SLC34A1: variants seen among roughly 807,000 people sequenced by gnomAD.
SLC34A1 encodes the protein sodium-dependent phosphate transport protein 2A.
SLC34A1 carries 57 observed loss-of-function variants against 51.4 expected under a neutral mutation model. The ratio of observed to expected loss-of-function variants is 1.11; its 90% CI spans 0.90 to 1.38. The LOEUF is 1.38. Ranked by LOEUF, SLC34A1 falls within the 40% of genes most tolerant of loss-of-function variation. SLC34A1 has a pLI of 0.00. For synonymous variants in SLC34A1, 368 were observed against 358.0 expected (o/e 1.03, Z -0.32); for missense variants, 796 against 835.6 (o/e 0.95, Z 0.58).
chr5:177,395,786 G>A (rs185966621), intron 10 of SLC34A1, among the ~76,000 whole-genome samples: 5 of 152,170 alleles, frequency 3.3e-5, no homozygotes, highest in East Asian at 1.9e-4. Flanking sequence ...GGTGTGCACC[G>A]CCACACTCAG....
intron 8 of SLC34A1, among the ~76,000 whole-genome samples, chr5:177,393,068 C>T (rs541793677): frequency 2.6e-5 from 4 of 152,280 alleles, no homozygotes; most frequent in African/African-American, 9.6e-5. Flanking sequence ...AGAAACTCTC[C>T]CCACCTCTTC....
intron 6 of SLC34A1, 22 bp from the exon 7 acceptor site, chr5:177,387,972 G>C (rs367817095): frequency 4.1e-5 from 66 of 1,611,702 alleles, no homozygotes; most frequent in African/African-American, 3.7e-4. Context: ...AGCCTGCCTT[G>C]CAATGTGGCC....
At chr5:177,389,944 C>T (rs369316167) in intron 8 of SLC34A1, 12 of 1,406,274 alleles carry the variant, frequency 8.5e-6, no homozygotes, top group Admixed American at 3.0e-5. Context: ...CTCATTTCCT[C>T]GGCTTGGAGA....
At chr5:177,384,783 A>C (rs1482261509) in intron 1 of SLC34A1, among the ~76,000 whole-genome samples, 1 of 149,338 alleles carries the variant, frequency 6.7e-6, no homozygotes, top group Non-Finnish European at 1.5e-5. Flanking sequence ...AATCGCTTGA[A>C]CCCACGAGGC....
rs777019194 is a variant in SLC34A1 at position 177,385,849 on chromosome 5, G to T, written c.108G>T (p.Gln36His). ...GTAFAYVPSP[Q>H]VLHRIPGTSA... ...CCTTTGCCTACGTGCCCAGCCCTCA[G>T]GGTAAGTGCTGCTCCCACACCCTGG... is the stretch of plus-strand genomic sequence containing the variant. Residue 36 changes from glutamine (Q) to histidine (H), a missense_variant and splice_region_variant, in exon 2 of 13, where the codon CAG becomes CAT. Transcript: ENST00000324417. The T allele has an allele frequency of 5.6e-5, 91 of 1,613,456 alleles. No homozygotes were observed. Among genetic ancestry groups the T allele is most frequent in the Non-Finnish European group, 7.4e-5 (87 of 1,179,832 alleles).
chr5:177,389,316 C>T (rs1467091836), intron 8 of SLC34A1, among the ~76,000 whole-genome samples: 6 of 152,104 alleles, frequency 3.9e-5, no homozygotes, highest in Admixed American at 3.9e-4. Context: ...CGAGGAAATC[C>T]AAGCCACAGC....
rs375493350 is a variant in SLC34A1, at chr5:177,385,728, A to G, written c.-14A>G. On this transcript the variant is annotated 5_prime_UTR_variant, in exon 2 of 13. It adds an upstream start codon to the 5' untranslated region. Coordinates refer to ENST00000324417, the MANE Select transcript of SLC34A1 (RefSeq NM_003052.5). ...AGACCCACTGACCTGCAGACCTCATAGTGGGTGCCCAGGATGTTGTCCTAC... is the reference window on the plus strand; with the variant it reads ...AGACCCACTGACCTGCAGACCTCATGGTGGGTGCCCAGGATGTTGTCCTAC... 1.2e-6 allele frequency: 2 copies of G among 1,602,242 alleles called. No homozygotes were observed. The highest frequency in any genetic ancestry group is 1.7e-6 in the Non-Finnish European group (2 of 1,171,298).
intron 8 of SLC34A1, chr5:177,390,001 G>C (rs1451311493): frequency 3.7e-6 from 5 of 1,347,052 alleles, no homozygotes; most frequent in South Asian, 3.3e-5. Context: ...CCCCTTTCTG[G>C]GACAGCGCCC....
At position 177,387,857 on chromosome 5, in the gene SLC34A1, A is replaced by G. The variant is rs1308807826; in HGVS notation, c.628A>G (p.Arg210Gly). The G allele has an allele frequency of 1.3e-6, 2 of 1,513,182 alleles. No homozygotes were observed. Among genetic ancestry groups the G allele is most frequent in the East Asian group, 4.9e-5 (2 of 40,876 alleles). The allele number at this position is 1,513,182 out of a possible 1,614,324, so 93.7% of individuals were successfully genotyped here. Reference protein sequence around the residue: ...TIVALMQAGDRTDFRRAFAGA... With the variant: ...TIVALMQAGDGTDFRRAFAGA... Reference sequence around the variant, plus strand: ...CGTGGCCCTGATGCAGGCGGGGGACAGGACTGACTTCCGGCGGTGAGGGGG... The same window carrying G: ...CGTGGCCCTGATGCAGGCGGGGGACGGGACTGACTTCCGGCGGTGAGGGGG... The change falls in exon 6 of 13, where the codon AGG (arginine) becomes GGG (glycine). Residue 210 changes from arginine to glycine, a missense_variant. Arg to Gly is a moderately radical substitution (Grantham distance 125). Transcript: ENST00000324417.
In SLC34A1 at chr5:177,397,000, A is replaced by C; in HGVS notation, c.1342A>C (p.Asn448His). 6.2e-7 allele frequency: 1 copy of C among 1,614,116 alleles called. No homozygotes were observed. The highest frequency in any genetic ancestry group is 1.1e-5 in the South Asian group (1 of 91,074). ...GGCCTACCCGCTCACACTGGGTTCCAACATCGGCACCACCACCACGGCCAT... is the reference window on the plus strand; with the variant it reads ...GGCCTACCCGCTCACACTGGGTTCCCACATCGGCACCACCACCACGGCCAT... The part of the protein sequence containing the change: ...ERAYPLTLGS[N>H]IGTTTTAILA... The change falls in exon 12 of 13, where the codon AAC becomes CAC. Residue 448 changes from asparagine (N) to histidine (H), a missense_variant. By Grantham distance (68) the Asn-to-His change is moderately conservative. Transcript: ENST00000324417. This position sits in a 1 kb window ranked among gnomAD's most constrained non-coding sequence, Gnocchi z 4.0.
chr5:177,385,938 G>A (rs755304664), intron 2 of SLC34A1, 49 bp from the exon 3 acceptor site: 40 of 1,609,996 alleles, frequency 2.5e-5, no homozygotes, highest in Non-Finnish European at 2.7e-5. Context: ...GTTCCTCCCC[G>A]CCTCCCCACT....
At chr5:177,395,466 G>A (rs1262853234) in intron 10 of SLC34A1, among the ~76,000 whole-genome samples, 2 of 152,156 alleles carry the variant, frequency 1.3e-5, no homozygotes, top group Admixed American at 6.5e-5. Context: ...GTGGCCAGTA[G>A]CTGGCAGGAG....
rs1461273247 is a variant in SLC34A1, at chr5:177,397,788, C to T, written c.1422C>T (p.Ala474=). ...CTCTGCCTCATCCCCTGCAGATTGC[C>T]CTCTGTCACTTCTTCTTCAACATCT... is the stretch of plus-strand genomic sequence containing the variant. ...REKLSSAFQI[A]LCHFFFNISG... The change falls in exon 13 of 13, where the codon GCC becomes GCT. Residue 474 remains alanine (A), a synonymous_variant. Coordinates refer to ENST00000324417, the MANE Select transcript of SLC34A1 (RefSeq NM_003052.5). 2 of 1,609,370 alleles carry T rather than the reference C, an allele frequency of 1.2e-6. No homozygotes were observed. Among genetic ancestry groups the T allele is most frequent in the East Asian group, 2.2e-5 (1 of 44,872 alleles).
chr5:177,391,111 C>T (rs748016930), intron 8 of SLC34A1, among the ~76,000 whole-genome samples: 5 of 152,176 alleles, frequency 3.3e-5, no homozygotes, highest in Non-Finnish European at 5.9e-5. Context: ...CACCCCAGGC[C>T]CAGGCAGGGA....
Position 177,386,184 on chromosome 5 carries a change from GC to G in SLC34A1, c.260-35del. The G allele has an allele frequency of 6.2e-7, 1 of 1,614,040 alleles. No individual in the cohort carries two copies. Among genetic ancestry groups the G allele is most frequent in the Non-Finnish European group, 8.5e-7 (1 of 1,180,018 alleles). On this transcript the variant is annotated intron_variant, in intron 3 of 12. Coordinates refer to ENST00000324417, the MANE Select transcript of SLC34A1 (RefSeq NM_003052.5). This position sits in a 1 kb window ranked among gnomAD's most constrained non-coding sequence, Gnocchi z 4.8. ...AGAGGCGGCAGCAGTCCCTGCCCTG[GC>G]CTCTGCCCACTATGCTCATGGCTTC...
Position 177,385,701 on chromosome 5 carries a change from T to C in SLC34A1, c.-41T>C. The C allele has an allele frequency of 6.9e-7, 1 of 1,446,860 alleles. No homozygotes were observed. The highest frequency in any genetic ancestry group is 1.2e-5 in the South Asian group (1 of 85,294). 89.6% of individuals were successfully genotyped at this position (1,446,860 alleles called of 1,614,324 possible). On this transcript the variant is annotated 5_prime_UTR_variant, in exon 2 of 13. Coordinates refer to ENST00000324417, the MANE Select transcript of SLC34A1 (RefSeq NM_003052.5). ...CACAGCTATTGTCATTCAGCGTTGCTGAGACCCACTGACCTGCAGACCTCA... is the reference window on the plus strand; with the variant it reads ...CACAGCTATTGTCATTCAGCGTTGCCGAGACCCACTGACCTGCAGACCTCA...
intron 8 of SLC34A1, among the ~76,000 whole-genome samples, chr5:177,390,751 A>AG (rs991631492): frequency 6.6e-6 from 1 of 151,890 alleles, no homozygotes; most frequent in Non-Finnish European, 1.5e-5. Context: ...CCTTCCTCTG[A>AG]GGGGGAAACT....
chr5:177,394,939 C>T (rs1242518699), intron 10 of SLC34A1, among the ~76,000 whole-genome samples: 1 of 151,880 alleles, frequency 6.6e-6, no homozygotes, highest in Non-Finnish European at 1.5e-5. Flanking sequence ...ATGATCCACC[C>T]GCCTCAGCCT....
rs554566423 is a variant in SLC34A1, at chr5:177,396,970, G to T, written c.1312G>T (p.Glu438Ter). 2 of 1,614,176 alleles carry T rather than the reference G, an allele frequency of 1.2e-6. No individual in the cohort carries two copies. Among genetic ancestry groups the T allele is most frequent in the East Asian group, 2.2e-5 (1 of 44,882 alleles). The change falls in exon 12 of 13, where the codon GAG (glutamate) becomes TAG (stop). Residue 438 changes from glutamate (E) to a stop codon, truncating the protein, a stop_gained. Transcript: ENST00000324417. LOFTEE classifies it high-confidence loss of function. The surrounding 1 kb of genome is among the most constrained non-coding windows in gnomAD (Gnocchi z 4.0). Reference protein sequence around the residue: ...PLIGLGVISIERAYPLTLGSN... With the variant: ...PLIGLGVISI Reference sequence around the variant, plus strand: ...CCCAGGTCTTGGTGTGATCAGCATTGAGAGGGCCTACCCGCTCACACTGGG... The same window carrying T: ...CCCAGGTCTTGGTGTGATCAGCATTTAGAGGGCCTACCCGCTCACACTGGG...
Sources: gnomAD v4.1 joint callset for allele counts (sites outside exome capture counted in the v4.1 genomes callset) on GRCh38, gnomAD v4.1.1 for gene constraint, Gnocchi (gnomAD v3.1) non-coding constraint, MANE v1.5 for transcripts, NCBI Gene and HGNC (gene_info 2026-07-23, HGNC 2026-07-21) for gene names.